Variants in ZFYVE28 observed in about 807,000 individuals in gnomAD.
The protein encoded by ZFYVE28 is lateral signaling target protein 2 homolog.
Under a neutral mutation model 82.1 loss-of-function variants are expected in ZFYVE28, and 40 were observed. The observed-to-expected ratio is 0.49, with a 90% CI of 0.38 to 0.63. The LOEUF (loss-of-function observed/expected upper bound fraction) is 0.63, where lower values mean the gene tolerates loss of function less well. Ranked by LOEUF, ZFYVE28 falls within the 30% of genes least tolerant of loss-of-function variation. ZFYVE28 has a pLI of 0.00. For missense variants in ZFYVE28, 1,321 were observed against 1,242.1 expected (o/e 1.06, Z -0.96); for synonymous variants, 612 against 546.1 (o/e 1.12, Z -1.68).
At chr4:2,287,502 C>G (rs1350400211) in intron 8 of ZFYVE28, 1 of 152,276 alleles carries the variant, frequency 6.6e-6, no homozygotes, top group Non-Finnish European at 1.5e-5. Context: ...TTTGCAGTCA[C>G]TGTTTCAACA....
rs1250126116 is a variant in ZFYVE28, at chr4:2,270,187, A to G, written c.*538T>C. ...ATGTTGTTTAGCCAAGTCCTGAGGA[A>G]GGATGGTGAGGGGTGAGGGGTGAGG... On this transcript the variant is annotated 3_prime_UTR_variant, in exon 13 of 13. Transcript: ENST00000290974. The G allele has an allele frequency of 6.3e-6, 1 of 158,792 alleles. No homozygotes were observed. Among genetic ancestry groups the G allele is most frequent in the Admixed American group, 6.1e-5 (1 of 16,324 alleles). 9.8% of individuals were successfully genotyped at this position (158,792 alleles called of 1,614,324 possible).
chr4:2,353,573 G>T (rs940385777), intron 2 of ZFYVE28, among the ~76,000 whole-genome samples: 6 of 152,132 alleles, frequency 3.9e-5, no homozygotes, highest in Non-Finnish European at 5.9e-5. Flanking sequence ...CCATTAGTCA[G>T]TGGCAGAGTG....
Position 2,304,819 on chromosome 4 carries a change from C to G in ZFYVE28, c.1521G>C (p.Arg507=). ...DAETAEMIAH[R]TGGMKLSATV... ...TGGCTGAGAGCTTCATGCCCCCTGT[C>G]CGGTGGGCGATCATCTCAGCCGTCT... Residue 507 remains arginine (R), a synonymous_variant, in exon 8 of 13, where the codon CGG becomes CGC. Transcript: ENST00000290974. 1.9e-6 allele frequency: 3 copies of G among 1,612,708 alleles called. No individual in the cohort carries two copies. The highest frequency in any genetic ancestry group is 2.5e-6 in the Non-Finnish European group (3 of 1,179,948).
At chr4:2,388,393 A>G (rs1348340016) in intron 1 of ZFYVE28, among the ~76,000 whole-genome samples, 4 of 152,176 alleles carry the variant, frequency 2.6e-5, no homozygotes, top group Admixed American at 6.5e-5. Context: ...GTCATGGACT[A>G]TCAACAGCAC....
intron 6 of ZFYVE28, among the ~76,000 whole-genome samples, chr4:2,333,225 CCCTGCTGCCCTTCCCTG>C (rs1721006170): frequency 7.3e-6 from 1 of 136,806 alleles, no homozygotes; most frequent in Non-Finnish European, 1.6e-5. Flanking sequence ...CCCTGACCCC[CCCTGCTGCCCTTCCCTG>C]ACCCCCCACA....
At chr4:2,391,692 C>G (rs1729846954) in intron 1 of ZFYVE28, among the ~76,000 whole-genome samples, 1 of 150,896 alleles carries the variant, frequency 6.6e-6, no homozygotes, top group Non-Finnish European at 1.5e-5. Flanking sequence ...CTTTCTGTAT[C>G]TATAAATTTG....
rs1375874051 is a variant in ZFYVE28, at chr4:2,417,790, G to A, written c.39+495C>T. 6.6e-6 allele frequency among the ~76,000 whole-genome samples: 1 copy of A among 152,062 alleles called. No individual in the cohort carries two copies. The highest frequency in any genetic ancestry group is 2.4e-5 in the African/African-American group (1 of 41,406). ...CTCAGAACCTGGGGAAGTGGGGAGA[G>A]GGTCTGTTCTGGAGTGCGGAGGGAG... On this transcript the variant is annotated intron_variant, in intron 1 of 12. Transcript: ENST00000290974. The surrounding 1 kb of genome is among the most constrained non-coding windows in gnomAD (Gnocchi z 4.8).
intron 2 of ZFYVE28, among the ~76,000 whole-genome samples, chr4:2,353,272 C>A (rs965976307): frequency 1.3e-5 from 2 of 152,232 alleles, no homozygotes; most frequent in African/African-American, 2.4e-5. Context: ...ACCCTCAGGA[C>A]CACGGTGACA....
intron 7 of ZFYVE28, among the ~76,000 whole-genome samples, chr4:2,311,075 A>G (rs1161349601): frequency 1.3e-5 from 2 of 152,214 alleles, no homozygotes; most frequent in African/African-American, 4.8e-5. Context: ...ATTTAGTGAT[A>G]TAAAGTTGTT....
rs1722464440 is a variant in ZFYVE28 at position 2,339,721 on chromosome 4, C to T, written c.319-66G>A. On this transcript the variant is annotated intron_variant, in intron 3 of 12. Transcript: ENST00000290974. The surrounding 1 kb of genome is among the most constrained non-coding windows in gnomAD (Gnocchi z 5.0). ...GCCAGGCTCTCAGGGGTCGCCGACC[C>T]GGGGAACCTGACTGCGCACCTCGGG... The T allele has an allele frequency of 4.8e-6, 7 of 1,468,894 alleles. No homozygotes were observed. Among genetic ancestry groups the T allele is most frequent in the South Asian group, 2.6e-5 (2 of 77,170 alleles). 91.0% of individuals were successfully genotyped at this position (1,468,894 alleles called of 1,614,324 possible).
chr4:2,304,304 G>A lies in ZFYVE28; in HGVS notation c.2036C>T (p.Ala679Val), dbSNP rs760713826. Residue 679 changes from alanine (A) to valine (V), a missense_variant, in exon 8 of 13, where the codon GCC becomes GTC. This residue lies in a region of ZFYVE28 where 978 missense variants were observed against 833.7 expected (regional missense o/e 1.17). Coordinates refer to ENST00000290974, the MANE Select transcript of ZFYVE28 (RefSeq NM_020972.3). ...TGGCTCTTACCTGGAGCCCGACAGGGCCTGAGGCGCCTCGTGAGCCGAGGG... is the reference window on the plus strand; with the variant it reads ...TGGCTCTTACCTGGAGCCCGACAGGACCTGAGGCGCCTCGTGAGCCGAGGG... ...GSPSAHEAPQ[A>V]LSGSSSSTAG... is the part of the protein sequence containing the mutation. The A allele has an allele frequency of 1.3e-6, 2 of 1,589,996 alleles. No homozygotes were observed. Among genetic ancestry groups the A allele is most frequent in the Non-Finnish European group, 1.7e-6 (2 of 1,173,636 alleles).
intron 1 of ZFYVE28, among the ~76,000 whole-genome samples, chr4:2,370,701 AC>A (rs1299336432): frequency 6.6e-6 from 1 of 151,856 alleles, no homozygotes; most frequent in Non-Finnish European, 1.5e-5. Context: ...GCCTGCTGCC[AC>A]CCCCACCTCT....
intron 7 of ZFYVE28, among the ~76,000 whole-genome samples, chr4:2,308,669 G>GA (rs779013567): frequency 1.1e-5 from 1 of 88,512 alleles, no homozygotes; most frequent in African/African-American, 4.6e-5. Flanking sequence ...AAGAAAGAAA[G>GA]AAAGAAAGAG....
At chr4:2,271,459 G>A (rs746152645) in intron 11 of ZFYVE28, 45 bp from the exon 12 acceptor site, 6 of 1,594,056 alleles carry the variant, frequency 3.8e-6, no homozygotes, top group African/African-American at 2.7e-5. Context: ...GCAGGAGCAG[G>A]TGGGCTGGGC....
chr4:2,395,673 C>G (rs4974684), intron 1 of ZFYVE28, among the ~76,000 whole-genome samples: 14,464 of 152,252 alleles, frequency 0.095, 758 homozygotes, highest in East Asian at 0.11. Flanking sequence ...GATTCCTTCC[C>G]CACTCCCAGC....
At chr4:2,292,508 C>T (rs890862137) in intron 8 of ZFYVE28, among the ~76,000 whole-genome samples, 18 of 152,312 alleles carry the variant, frequency 1.2e-4, no homozygotes, top group Middle Eastern at 3.4e-3. Flanking sequence ...CAGATCAGGT[C>T]ATCGAGTGCC....
intron 9 of ZFYVE28, among the ~76,000 whole-genome samples, chr4:2,273,644 C>T (rs928271920): frequency 5.3e-5 from 8 of 152,178 alleles, no homozygotes; most frequent in African/African-American, 1.9e-4. Flanking sequence ...TGCCCACCCC[C>T]AGGCCAGTGC....
chr4:2,391,738 C>CTTTTTTTTTT (rs374413016), intron 1 of ZFYVE28, among the ~76,000 whole-genome samples: 1 of 139,770 alleles, frequency 7.2e-6, no homozygotes. Context: ...AATTCTCTCT[C>CTTTTTTTTTT]TCTTTTTTTT....
At chr4:2,398,552 G>A (rs1280723945) in intron 1 of ZFYVE28, among the ~76,000 whole-genome samples, 2 of 152,164 alleles carry the variant, frequency 1.3e-5, no homozygotes, top group African/African-American at 4.8e-5. Context: ...GAAAATAGGT[G>A]AGATCCAGCA....
Sources: gnomAD v4.1 joint callset for allele counts (sites outside exome capture counted in the v4.1 genomes callset) on GRCh38, gnomAD v4.1.1 for gene constraint, gnomAD v4.1.1 regional missense constraint, Gnocchi (gnomAD v3.1) non-coding constraint, MANE v1.5 for transcripts, NCBI Gene and HGNC (gene_info 2026-07-23, HGNC 2026-07-21) for gene names.